The following TLR4 variants were observed in gnomAD, a reference collection of about 807,000 sequenced individuals.
TLR4 encodes the protein toll like receptor 4, also known as toll-like receptor 4.
Under a neutral mutation model 27.4 loss-of-function variants are expected in TLR4, and 17 were observed. The observed-to-expected ratio is 0.62, with a 90% CI of 0.42 to 0.93. The LOEUF (loss-of-function observed/expected upper bound fraction) is 0.93. Among genes scored for constraint, TLR4 ranks in the 40% least tolerant of loss-of-function variants. The probability of loss-of-function intolerance (pLI) is 0.00; values close to 1 mark genes in which losing one functional copy is unlikely to be tolerated. For missense variants in TLR4, 926 were observed against 962.3 expected (o/e 0.96, Z 0.50); for synonymous variants, 363 against 365.7 (o/e 0.99, Z 0.08).
chr9:117,709,654 A>G (rs1038887361), intron 2 of TLR4, among the ~76,000 whole-genome samples: 12 of 152,182 alleles, frequency 7.9e-5, no homozygotes, highest in African/African-American at 2.9e-4. Context: ...AAAACATTTT[A>G]CATATTTTTT....
chr9:117,706,856 CTG>C (rs1394465633), intron 1 of TLR4, among the ~76,000 whole-genome samples: 12 of 152,200 alleles, frequency 7.9e-5, no homozygotes, highest in African/African-American at 2.9e-4. Flanking sequence ...TTACTCTAGA[CTG>C]TGAGTCCATT....
Position 117,712,653 on chromosome 9 carries a change from C to T in TLR4, c.525C>T (p.Thr175=), listed in dbSNP as rs1198279498. Residue 175 remains threonine, a synonymous_variant, in exon 3 of 3, where the codon ACC becomes ACT. Coordinates refer to ENST00000355622, the MANE Select transcript of TLR4 (RefSeq NM_138554.5). The part of the protein sequence containing the change: ...FKLPEYFSNL[T]NLEHLDLSSN... ...TACCTGAGTATTTTTCTAATCTGACCAATCTAGAGCACTTGGACCTTTCCA... is the reference window on the plus strand; with the variant it reads ...TACCTGAGTATTTTTCTAATCTGACTAATCTAGAGCACTTGGACCTTTCCA... The T allele has an allele frequency of 3.1e-6, 5 of 1,613,592 alleles. No individual in the cohort carries two copies. The South Asian group carries it at 5.5e-5, about 18-fold the overall frequency.
In TLR4 at chr9:117,714,030, T is replaced by TG; in HGVS notation, c.1904dup (p.Val636CysfsTer18). The TG allele has an allele frequency of 6.2e-7, 1 of 1,613,938 alleles. No individual in the cohort carries two copies. ...CCTGTCAGATGAATAAGACCATCAT[T>TG]GGTGTGTCGGTCCTCAGTGTGCTTG... On this transcript the variant is annotated frameshift_variant, in exon 3 of 3. Coordinates refer to ENST00000355622, the MANE Select transcript of TLR4 (RefSeq NM_138554.5). LOFTEE classifies it high-confidence loss of function.
At chr9:117,705,180 A>C (rs1443538533) in intron 1 of TLR4, among the ~76,000 whole-genome samples, 1 of 152,236 alleles carries the variant, frequency 6.6e-6, no homozygotes, top group Non-Finnish European at 1.5e-5. Context: ...CAGCTAATGC[A>C]ACAGTTTCTT....
rs543780579 is a variant in TLR4, at chr9:117,722,186, C to G, written c.*7538C>G. ...TATATCAAAGTAAAATTTAACTCCA[C>G]TTTTGCTAAGTATTCATCTTGCCTT... On this transcript the variant is annotated 3_prime_UTR_variant, in exon 3 of 3. Transcript: ENST00000355622. 2.0e-5 allele frequency: 3 copies of G among 152,292 alleles called. No individual in the cohort carries two copies. Among genetic ancestry groups the G allele is most frequent in the African/African-American group, 7.2e-5 (3 of 41,558 alleles). The allele number at this position is 152,292 out of a possible 1,614,324, so 9.4% of individuals were successfully genotyped here.
Position 117,723,248 on chromosome 9 carries a change from G to C in TLR4, c.*8600G>C, listed in dbSNP as rs945017515. On this transcript the variant is annotated 3_prime_UTR_variant, in exon 3 of 3. Transcript: ENST00000355622. ...CATGTGGTTTTAGCGTTCTAAACCTGATGATGCTATATCAAAACGGGAGAC... is the reference window on the plus strand; with the variant it reads ...CATGTGGTTTTAGCGTTCTAAACCTCATGATGCTATATCAAAACGGGAGAC... 1 of 152,310 alleles carries C rather than the reference G, an allele frequency of 6.6e-6. No individual in the cohort carries two copies. Among genetic ancestry groups the C allele is most frequent in the East Asian group, 1.9e-4 (1 of 5,188 alleles). The allele number at this position is 152,310 out of a possible 1,614,324, so 9.4% of individuals were successfully genotyped here.
chr9:117,724,562 T>C lies in TLR4; in HGVS notation c.*9914T>C, dbSNP rs1487721208. 6.6e-6 allele frequency: 1 copy of C among 152,182 alleles called. No homozygotes were observed. Among genetic ancestry groups the C allele is most frequent in the Non-Finnish European group, 1.5e-5 (1 of 68,044 alleles). 9.4% of individuals were successfully genotyped at this position (152,182 alleles called of 1,614,324 possible). On this transcript the variant is annotated 3_prime_UTR_variant, in exon 3 of 3. Coordinates refer to ENST00000355622, the MANE Select transcript of TLR4 (RefSeq NM_138554.5). ...ACCATTAATGTGCCTGTCTTTCTTCTCATGTATTAGAGAGAACAAAAGCTT... is the reference window on the plus strand; with the variant it reads ...ACCATTAATGTGCCTGTCTTTCTTCCCATGTATTAGAGAGAACAAAAGCTT...
chr9:117,717,145 AAG>A lies in TLR4; in HGVS notation c.*2502_*2503del, dbSNP rs1829362439. ...TGTCCGCATGATCATATCTGTATAG[AAG>A]AGAGTGTGATTATATTTCTTGAAGA... On this transcript the variant is annotated 3_prime_UTR_variant, in exon 3 of 3. Transcript: ENST00000355622. The A allele has an allele frequency of 1.3e-5, 2 of 152,078 alleles. No individual in the cohort carries two copies. Among genetic ancestry groups the A allele is most frequent in the South Asian group, 4.1e-4 (2 of 4,828 alleles). The allele number at this position is 152,078 out of a possible 1,614,324, so 9.4% of individuals were successfully genotyped here.
At position 117,708,831 on chromosome 9, in the gene TLR4, T is replaced by C. The variant is rs559885431; in HGVS notation, c.260+102T>C. On this transcript the variant is annotated intron_variant, in intron 2 of 2. Coordinates refer to ENST00000355622, the MANE Select transcript of TLR4 (RefSeq NM_138554.5). ...TTGGTTTGTGGAGTCTCATCTTCAT[T>C]CACTTATTCATTCATACAACAGATG... 2.3e-4 allele frequency: 320 copies of C among 1,413,358 alleles called. No individual in the cohort carries two copies. The African/African-American group carries it at 3.4e-3, about 15-fold the overall frequency. 87.6% of individuals were successfully genotyped at this position (1,413,358 alleles called of 1,614,324 possible).
Position 117,719,158 on chromosome 9 carries a change from AC to A in TLR4, c.*4511del, listed in dbSNP as rs757473167. 2 of 152,214 alleles carry A rather than the reference AC, an allele frequency of 1.3e-5. No homozygotes were observed. Among genetic ancestry groups the A allele is most frequent in the Non-Finnish European group, 2.9e-5 (2 of 68,036 alleles). 9.4% of individuals were successfully genotyped at this position (152,214 alleles called of 1,614,324 possible). On this transcript the variant is annotated 3_prime_UTR_variant, in exon 3 of 3. Transcript: ENST00000355622. ...TAATAATACCTTGTTGGCAGACCTCACTTGGTTAAAATGATAATGTTGATAG... is the reference window on the plus strand; with the variant it reads ...TAATAATACCTTGTTGGCAGACCTCATTGGTTAAAATGATAATGTTGATAG...
At position 117,720,604 on chromosome 9, in the gene TLR4, G is replaced by A. The variant is rs1829411642; in HGVS notation, c.*5956G>A. 6.6e-6 allele frequency: 1 copy of A among 152,214 alleles called. No individual in the cohort carries two copies. Among genetic ancestry groups the A allele is most frequent in the African/African-American group, 2.4e-5 (1 of 41,452 alleles). The allele number at this position is 152,214 out of a possible 1,614,324, so 9.4% of individuals were successfully genotyped here. A position where few individuals can be genotyped will look rare whatever the true frequency, so the allele number is the denominator to read the frequency against. The stretch of plus-strand genomic sequence containing the variant: ...ATGTTTATGAGAGAAGTGTTTTGTT[G>A]AAAATTAAACTCACGTTTAGGAGAA... On this transcript the variant is annotated 3_prime_UTR_variant, in exon 3 of 3. Transcript: ENST00000355622.
chr9:117,712,890 A>C lies in TLR4; in HGVS notation c.762A>C (p.Glu254Asp). 6.2e-7 allele frequency: 1 copy of C among 1,614,134 alleles called. No homozygotes were observed. The highest frequency in any genetic ancestry group is 8.5e-7 in the Non-Finnish European group (1 of 1,179,992). Residue 254 changes from glutamate (E) to aspartate (D), a missense_variant, in exon 3 of 3, where the codon GAA (glutamate) becomes GAC (aspartate). Physicochemically the swap from Glu to Asp is conservative, Grantham distance 45 (BLOSUM62 2). Transcript: ENST00000355622. ...KTCIQGLAGL[E>D]VHRLVLGEFR... ...GTATTCAAGGTCTGGCTGGTTTAGA[A>C]GTCCATCGTTTGGTTCTGGGAGAAT...
intron 1 of TLR4, 68 bp downstream of exon 1, chr9:117,704,633 C>A: frequency 2.2e-6 from 3 of 1,366,642 alleles, no homozygotes; most frequent in Non-Finnish European, 3.1e-6. Flanking sequence ...ACTGTGTGCC[C>A]TGGTTTGTTT....
intron 1 of TLR4, among the ~76,000 whole-genome samples, chr9:117,705,766 A>AT (rs1450704686): frequency 6.6e-6 from 1 of 151,922 alleles, no homozygotes; most frequent in Non-Finnish European, 1.5e-5. Context: ...TGTTGTTATT[A>AT]TTTTTCCTTA....
chr9:117,714,478 G>A lies in TLR4; in HGVS notation c.2350G>A (p.Glu784Lys). The change falls in exon 3 of 3, where the codon GAG becomes AAG. Residue 784 changes from glutamate (E) to lysine (K), a missense_variant. Glu to Lys is a moderately conservative substitution (Grantham distance 56, BLOSUM62 1). Transcript: ENST00000355622. ...GAAGACCCTGCTCAGGCAGCAGGTG[G>A]AGCTGTACCGCCTTCTCAGCAGGAA... ...VEKTLLRQQV[E>K]LYRLLSRNTY... is the part of the protein sequence containing the mutation. 1 of 1,613,818 alleles carries A rather than the reference G, an allele frequency of 6.2e-7. No homozygotes were observed. Among genetic ancestry groups the A allele is most frequent in the Admixed American group, 1.7e-5 (1 of 60,008 alleles).
chr9:117,705,598 C>T (rs1054371241), intron 1 of TLR4, among the ~76,000 whole-genome samples: 2 of 152,120 alleles, frequency 1.3e-5, no homozygotes, highest in Non-Finnish European at 2.9e-5. Context: ...TCCTGTCAGT[C>T]CCTGAAGCCT....
Position 117,712,433 on chromosome 9 carries a change from G to C in TLR4, c.305G>C (p.Ser102Thr), listed in dbSNP as rs1829247690. The C allele has an allele frequency of 6.2e-7, 1 of 1,613,778 alleles. No homozygotes were observed. The highest frequency in any genetic ancestry group is 8.5e-7 in the Non-Finnish European group (1 of 1,179,916). ...TIEDGAYQSL[S>T]HLSTLILTGN... The stretch of plus-strand genomic sequence containing the variant: ...GAAGATGGGGCATATCAGAGCCTAA[G>C]CCACCTCTCTACCTTAATATTGACA... The change falls in exon 3 of 3, where the codon AGC becomes ACC. Residue 102 changes from serine (S) to threonine (T), a missense_variant. Transcript: ENST00000355622.
Position 117,717,291 on chromosome 9 carries a change from G to T in TLR4, c.*2643G>T, listed in dbSNP as rs1829364444. On this transcript the variant is annotated 3_prime_UTR_variant, in exon 3 of 3. Transcript: ENST00000355622. Reference sequence around the variant, plus strand: ...GTGGATACGTTCTTAGACCCCAAGTGGATCTCTGAGACCGCAGATGGTACC... The same window carrying T: ...GTGGATACGTTCTTAGACCCCAAGTTGATCTCTGAGACCGCAGATGGTACC... 1 of 152,006 alleles carries T rather than the reference G, an allele frequency of 6.6e-6. No homozygotes were observed. Among genetic ancestry groups the T allele is most frequent in the Admixed American group, 6.6e-5 (1 of 15,234 alleles). 9.4% of individuals were successfully genotyped at this position (152,006 alleles called of 1,614,324 possible).
At chr9:117,708,403 T>G in intron 1 of TLR4, 160 bp from the exon 2 acceptor site, 1 of 1,498,162 alleles carries the variant, frequency 6.7e-7, no homozygotes, top group South Asian at 1.3e-5. Context: ...AGTGAATGGA[T>G]GGATGGATAT....
Sources: gnomAD v4.1 joint callset for allele counts (sites outside exome capture counted in the v4.1 genomes callset) on GRCh38, gnomAD v4.1.1 for gene constraint, MANE v1.5 for transcripts, NCBI Gene and HGNC (gene_info 2026-07-23, HGNC 2026-07-21) for gene names.